The following C10orf90 variants were observed in gnomAD, a reference collection of about 807,000 sequenced individuals.
C10orf90 encodes (E2-independent) E3 ubiquitin-conjugating enzyme FATS.
Under a neutral mutation model 62.5 loss-of-function variants are expected in C10orf90, and 56 were observed. The observed-to-expected ratio is 0.90, with a 90% CI of 0.72 to 1.12. The LOEUF (loss-of-function observed/expected upper bound fraction) is 1.12. C10orf90 is among the 50% of genes most tolerant of loss of function. The pLI is 0.00. For synonymous variants in C10orf90, 386 were observed against 340.4 expected, an observed-to-expected ratio of 1.13 and a Z score of -1.47; for missense variants, 970 against 880.4, an observed-to-expected ratio of 1.10 and a Z score of -1.29.
intron 1 of C10orf90, among the ~76,000 whole-genome samples, chr10:126,655,895 C>A (rs893685833): frequency 5.3e-5 from 8 of 151,338 alleles, no homozygotes; most frequent in African/African-American, 1.5e-4. Context: ...TCACCTGTTT[C>A]CATGACATGC....
At chr10:126,646,702 T>A in intron 1 of C10orf90, 65 bp from the exon 2 acceptor site, 1 of 356,558 alleles carries the variant, frequency 2.8e-6, no homozygotes, top group Non-Finnish European at 5.5e-6. Flanking sequence ...TAATCTTTAA[T>A]AATGTACATT....
chr10:126,468,829 G>T (rs1237825970), intron 4 of C10orf90, among the ~76,000 whole-genome samples: 3 of 152,182 alleles, frequency 2.0e-5, no homozygotes, highest in African/African-American at 4.8e-5. Context: ...AGCCCATGCA[G>T]GTCCTTAGGA....
At chr10:126,514,313 G>A (rs2133920644) in intron 2 of C10orf90, among the ~76,000 whole-genome samples, 1 of 152,274 alleles carries the variant, frequency 6.6e-6, no homozygotes. Context: ...AAGAATGGGT[G>A]AAATACAATA....
chr10:126,430,076 T>C (rs1857484420), intron 7 of C10orf90, among the ~76,000 whole-genome samples: 1 of 152,236 alleles, frequency 6.6e-6, no homozygotes, highest in South Asian at 2.1e-4. Context: ...TGAAGTACAA[T>C]GTTAGCATCT....
chr10:126,616,677 C>T (rs1253088062), intron 2 of C10orf90, among the ~76,000 whole-genome samples: 2 of 152,164 alleles, frequency 1.3e-5, no homozygotes, highest in East Asian at 1.9e-4. Context: ...GCTATTTGAG[C>T]TTCATCTTTC....
intron 2 of C10orf90, among the ~76,000 whole-genome samples, chr10:126,545,534 G>A (rs185037482): frequency 2.0e-5 from 3 of 152,002 alleles, no homozygotes; most frequent in African/African-American, 4.8e-5. Flanking sequence ...GCTTACTCTA[G>A]CCGTTGCCTA....
chr10:126,435,234 A>G (rs1857841048), intron 7 of C10orf90, among the ~76,000 whole-genome samples: 1 of 152,250 alleles, frequency 6.6e-6, no homozygotes, highest in African/African-American at 2.4e-5. Flanking sequence ...TGGAAAGACA[A>G]TAAGCTCTCA....
intron 2 of C10orf90, among the ~76,000 whole-genome samples, chr10:126,526,633 T>G (rs1471439334): frequency 6.6e-6 from 1 of 152,168 alleles, no homozygotes; most frequent in Non-Finnish European, 1.5e-5. Context: ...GTGGTTTTTG[T>G]ATATTCACCA....
chr10:126,649,176 T>C (rs2366863), intron 1 of C10orf90, among the ~76,000 whole-genome samples: 60,248 of 151,236 alleles, frequency 0.4, 13,182 homozygotes, highest in Non-Finnish European at 0.48. Flanking sequence ...CTACAGGCTA[T>C]GTGCACTATT....
At chr10:126,580,394 T>G (rs7903699) in intron 2 of C10orf90, among the ~76,000 whole-genome samples, 90,639 of 151,996 alleles carry the variant, frequency 0.6, 27,442 homozygotes, top group African/African-American at 0.69. Context: ...GGTGGCTCAT[T>G]CCTGTAATCC....
chr10:126,535,202 A>G (rs1251397715), intron 2 of C10orf90, among the ~76,000 whole-genome samples: 1 of 47,940 alleles, frequency 2.1e-5, no homozygotes, highest in African/African-American at 1.2e-4. Flanking sequence ...TTCACACAAA[A>G]TTGTATTTTT....
chr10:126,631,096 G>A (rs1354253385), intron 2 of C10orf90, among the ~76,000 whole-genome samples: 1 of 152,162 alleles, frequency 6.6e-6, no homozygotes, highest in African/African-American at 2.4e-5. Flanking sequence ...AGATTATCCA[G>A]GTGTTAGGCT....
chr10:126,527,127 T>C (rs1447868050), intron 2 of C10orf90, among the ~76,000 whole-genome samples: 1 of 151,952 alleles, frequency 6.6e-6, no homozygotes, highest in Non-Finnish European at 1.5e-5. Flanking sequence ...ACATTTAAAT[T>C]TGAGGAATTG....
intron 2 of C10orf90, among the ~76,000 whole-genome samples, chr10:126,540,953 C>A (rs151227269): frequency 6.6e-6 from 1 of 152,108 alleles, no homozygotes; most frequent in East Asian, 1.9e-4. Context: ...TAAAGCCATA[C>A]ACCAAACTAA....
At position 126,505,959 on chromosome 10, in the gene C10orf90, A is replaced by T. The variant is rs1281194341; in HGVS notation, c.406-874T>A. Among the ~76,000 whole-genome samples, 13 of 152,270 alleles carry T rather than the reference A, an allele frequency of 8.5e-5. No individual in the cohort carries two copies. In the South Asian group the frequency reaches 2.5e-3, roughly 29 times the overall value. On this transcript the variant is annotated intron_variant, in intron 3 of 9. Transcript: ENST00000488181. ...CCAAGTGTGAAACTTCGTCTCTCTC[A>T]CACACACAAACATTAAACAAACAAT...
intron 2 of C10orf90, among the ~76,000 whole-genome samples, chr10:126,636,009 G>A (rs1318858331): frequency 6.6e-6 from 1 of 152,116 alleles, no homozygotes; most frequent in Non-Finnish European, 1.5e-5. Context: ...CAGCCTAAAG[G>A]GAGAAGGTTC....
At chr10:126,436,866 G>A (rs1040427206) in intron 7 of C10orf90, among the ~76,000 whole-genome samples, 7 of 152,034 alleles carry the variant, frequency 4.6e-5, no homozygotes, top group Admixed American at 2.0e-4. Flanking sequence ...GTCTCACTTT[G>A]TTGCCCAAGA....
At chr10:126,555,571 C>A (rs993707539) in intron 2 of C10orf90, among the ~76,000 whole-genome samples, 1 of 151,424 alleles carries the variant, frequency 6.6e-6, no homozygotes, top group East Asian at 1.9e-4. Flanking sequence ...CCCAGCTACT[C>A]GGGAGGCTGA....
At chr10:126,437,823 C>T (rs1858022488) in intron 7 of C10orf90, among the ~76,000 whole-genome samples, 1 of 152,044 alleles carries the variant, frequency 6.6e-6, no homozygotes, top group South Asian at 2.1e-4. Flanking sequence ...GCTGCAGGGT[C>T]CCTGAGGCTA....
Sources: allele counts gnomAD v4.1 joint callset (sites outside exome capture counted in the v4.1 genomes callset), GRCh38; gene constraint gnomAD v4.1.1; transcripts MANE v1.5; gene names NCBI Gene and HGNC (gene_info 2026-07-23, HGNC 2026-07-21).